GRIK4: variants seen among roughly 807,000 people sequenced by gnomAD.
GRIK4 encodes the protein glutamate receptor ionotropic, kainate 4.
GRIK4 carries 40 observed loss-of-function variants against 104.9 expected under a neutral mutation model. That is an observed-to-expected ratio of 0.38 (90% CI 0.30 to 0.50). GRIK4 has a LOEUF of 0.50. Ranked by LOEUF, GRIK4 falls within the 20% of genes least tolerant of loss-of-function variation. The pLI is 0.93. For synonymous variants in GRIK4, 485 were observed against 524.9 expected, an observed-to-expected ratio of 0.92 and a Z score of 1.04; for missense variants, 1,047 against 1,308.1, an observed-to-expected ratio of 0.80 and a Z score of 3.08.
Position 120,923,110 on chromosome 11 carries a change from C to T in GRIK4, c.1477-17237C>T, listed in dbSNP as rs115829223. 3.4e-3 allele frequency among the ~76,000 whole-genome samples: 521 copies of T among 152,262 alleles called. 3 individuals are homozygous for T. Among genetic ancestry groups the T allele is most frequent in the African/African-American group, 0.012 (495 of 41,550 alleles). ...TCAGAGGGTGGCAAACAGTGGGACA[C>T]AGGTGGGAGATCAAAACAGATGCTA... On this transcript the variant is annotated intron_variant, in intron 13 of 20. Coordinates refer to ENST00000527524, the MANE Select transcript of GRIK4 (RefSeq NM_014619.5).
chr11:120,851,596 C>G (rs568465502), intron 8 of GRIK4, among the ~76,000 whole-genome samples: 1 of 152,252 alleles, frequency 6.6e-6, no homozygotes, highest in Non-Finnish European at 1.5e-5. Context: ...TGTGTGTTCT[C>G]AAGGAGACAC....
chr11:120,734,709 G>T (rs957415817), intron 3 of GRIK4, among the ~76,000 whole-genome samples: 1 of 152,058 alleles, frequency 6.6e-6, no homozygotes, highest in South Asian at 2.1e-4. Context: ...TCTAGATCTT[G>T]TAGGCATGTT....
In GRIK4 at chr11:120,836,811, G is replaced by A; in HGVS notation, c.711G>A (p.Val237=). ...TGCAGGCAGCCGAACTTGGGATGGT[G>A]TCAGCCTATTACACATACATCTTCA... ...ILLKAAELGM[V]SAYYTYIFTN... The change falls in exon 8 of 21, where the codon GTG becomes GTA. Residue 237 remains valine (V), a synonymous_variant. Coordinates refer to ENST00000527524, the MANE Select transcript of GRIK4 (RefSeq NM_014619.5). The A allele has an allele frequency of 6.2e-7, 1 of 1,608,240 alleles. No individual in the cohort carries two copies. Among genetic ancestry groups the A allele is most frequent in the Non-Finnish European group, 8.5e-7 (1 of 1,174,606 alleles).
At chr11:120,758,732 G>A (rs1423921712) in intron 3 of GRIK4, among the ~76,000 whole-genome samples, 1 of 152,168 alleles carries the variant, frequency 6.6e-6, no homozygotes, top group African/African-American at 2.4e-5. Flanking sequence ...AAGGGAGAGG[G>A]CAGCTAAAAA....
chr11:120,637,546 C>T (rs1565584327), intron 1 of GRIK4, among the ~76,000 whole-genome samples: 1 of 152,160 alleles, frequency 6.6e-6, no homozygotes, highest in Admixed American at 6.5e-5. Flanking sequence ...GACTGCTTCC[C>T]CTAGTAAAGT....
At position 120,956,887 on chromosome 11, in the gene GRIK4, G is replaced by T; in HGVS notation, c.1808G>T (p.Gly603Val). ...AACAGCCTCTGGTTTCCGGTCGGGG[G>T]GTTCATGCAGCAAGGCTCCACCATC... ...LGNSLWFPVG[G>V]FMQQGSTIAP... is the part of the protein sequence containing the mutation. The change falls in exon 16 of 21, where the codon GGG (glycine) becomes GTG (valine). Residue 603 changes from glycine (G) to valine (V), a missense_variant. Coordinates refer to ENST00000527524, the MANE Select transcript of GRIK4 (RefSeq NM_014619.5). This position sits in a 1 kb window ranked among gnomAD's most constrained non-coding sequence, Gnocchi z 4.6. 6.2e-7 allele frequency: 1 copy of T among 1,614,000 alleles called. No homozygotes were observed. The highest frequency in any genetic ancestry group is 8.5e-7 in the Non-Finnish European group (1 of 1,179,952).
At chr11:120,765,692 TA>T (rs1951824944) in intron 3 of GRIK4, among the ~76,000 whole-genome samples, 1 of 152,202 alleles carries the variant, frequency 6.6e-6, no homozygotes, top group Non-Finnish European at 1.5e-5. Flanking sequence ...TTCTGTTTGT[TA>T]TTTTTCCTTC....
intron 3 of GRIK4, among the ~76,000 whole-genome samples, chr11:120,700,883 G>A (rs922490029): frequency 3.9e-5 from 6 of 152,172 alleles, no homozygotes; most frequent in African/African-American, 1.4e-4. Flanking sequence ...GTGAGCCATC[G>A]CAGCCGGCCA....
chr11:120,920,628 C>G (rs1943208072), intron 13 of GRIK4, among the ~76,000 whole-genome samples: 1 of 151,712 alleles, frequency 6.6e-6, no homozygotes, highest in South Asian at 2.1e-4. Flanking sequence ...CACATATTCC[C>G]CCCAGGAGGT....
At chr11:120,885,821 C>T (rs1457971128) in intron 11 of GRIK4, among the ~76,000 whole-genome samples, 1 of 152,218 alleles carries the variant, frequency 6.6e-6, no homozygotes, top group Non-Finnish European at 1.5e-5. Context: ...TTCATACAAG[C>T]ATCATACAGG....
At chr11:120,556,196 C>T (rs1006423597) in intron 1 of GRIK4, among the ~76,000 whole-genome samples, 15 of 152,072 alleles carry the variant, frequency 9.9e-5, no homozygotes, top group Admixed American at 3.9e-4. Context: ...CCTGTCACAG[C>T]GCAGTCCAGG....
At chr11:120,881,104 T>C (rs1954957514) in intron 11 of GRIK4, among the ~76,000 whole-genome samples, 1 of 152,220 alleles carries the variant, frequency 6.6e-6, no homozygotes, top group Non-Finnish European at 1.5e-5. Context: ...GTCTAGGTTG[T>C]CTATTAAAAC....
chr11:120,807,345 C>T (rs536784225), intron 4 of GRIK4, among the ~76,000 whole-genome samples: 2 of 152,220 alleles, frequency 1.3e-5, no homozygotes, highest in African/African-American at 2.4e-5. Context: ...TAATTTCCTG[C>T]AGACCCAGAA....
intron 3 of GRIK4, among the ~76,000 whole-genome samples, chr11:120,734,506 T>C (rs1015363405): frequency 3.3e-5 from 5 of 152,216 alleles, no homozygotes; most frequent in African/African-American, 1.2e-4. Context: ...GATTACTAAA[T>C]GTCTTGAGGT....
At chr11:120,571,939 A>G (rs1249536344) in intron 1 of GRIK4, among the ~76,000 whole-genome samples, 1 of 152,208 alleles carries the variant, frequency 6.6e-6, no homozygotes, top group African/African-American at 2.4e-5. Flanking sequence ...GCAGGAAGTC[A>G]CCGGAGGCAT....
At chr11:120,626,111 A>G (rs1032400279) in intron 1 of GRIK4, among the ~76,000 whole-genome samples, 4 of 152,204 alleles carry the variant, frequency 2.6e-5, no homozygotes, top group African/African-American at 9.7e-5. Context: ...CCCCAACAAA[A>G]GATGCTTTAG....
chr11:120,787,140 G>A (rs912515159), intron 3 of GRIK4, among the ~76,000 whole-genome samples: 12 of 141,124 alleles, frequency 8.5e-5, no homozygotes, highest in African/African-American at 3.4e-4. Flanking sequence ...CAACATAGTA[G>A]GACTCTTTTT....
At position 120,917,365 on chromosome 11, in the gene GRIK4, C is replaced by A. The variant is rs142403198; in HGVS notation, c.1476+11872C>A. Among the ~76,000 whole-genome samples, 57 of 151,954 alleles carry A rather than the reference C, an allele frequency of 3.8e-4. 4 individuals carry two copies. In the East Asian group the frequency reaches 6.0e-3, roughly 16 times the overall value. The stretch of plus-strand genomic sequence containing the variant: ...CAATCAGCAGACAGTGATTTAACAC[C>A]TATGTGCCAGTCACTGTGCTGGGGT... On this transcript the variant is annotated intron_variant, in intron 13 of 20. Transcript: ENST00000527524.
At chr11:120,708,715 C>T (rs568867849) in intron 3 of GRIK4, among the ~76,000 whole-genome samples, 1 of 152,308 alleles carries the variant, frequency 6.6e-6, no homozygotes, top group African/African-American at 2.4e-5. Context: ...GGCCAGAACG[C>T]AGTTGCCGAG....
Sources: allele counts gnomAD v4.1 joint callset (sites outside exome capture counted in the v4.1 genomes callset), GRCh38; gene constraint gnomAD v4.1.1; non-coding constraint Gnocchi (gnomAD v3.1); transcripts MANE v1.5; gene names NCBI Gene and HGNC (gene_info 2026-07-23, HGNC 2026-07-21).